UNC79: variants seen among roughly 807,000 people sequenced by gnomAD.
UNC79 encodes protein unc-79 homolog.
In UNC79, 37 loss-of-function variants were observed where a neutral mutation model predicts 283.1. The ratio of observed to expected loss-of-function variants is 0.13; its 90% CI spans 0.10 to 0.17. The LOEUF (loss-of-function observed/expected upper bound fraction) is 0.17. UNC79 is among the 10% of genes least tolerant of loss of function. The probability of loss-of-function intolerance (pLI) is 1.00; values close to 1 mark genes in which losing one functional copy is unlikely to be tolerated. For synonymous variants in UNC79, 1,107 were observed against 1,200.2 expected, an observed-to-expected ratio of 0.92 and a Z score of 1.61; for missense variants, 2,272 against 3,211.1, an observed-to-expected ratio of 0.71 and a Z score of 7.07.
At chr14:93,454,112 C>T (rs1006955420) in intron 1 of UNC79, among the ~76,000 whole-genome samples, 2 of 150,386 alleles carry the variant, frequency 1.3e-5, no homozygotes, top group African/African-American at 2.5e-5. Flanking sequence ...ATGGTGCCAT[C>T]ATGGCTCACA....
At chr14:93,451,315 G>T (rs1475776574) in intron 1 of UNC79, among the ~76,000 whole-genome samples, 1 of 152,092 alleles carries the variant, frequency 6.6e-6, no homozygotes, top group Non-Finnish European at 1.5e-5. Context: ...GGCACCCCTG[G>T]TGTCACTGTC....
chr14:93,337,907 G>C (rs778831916), intron 1 of UNC79, among the ~76,000 whole-genome samples: 3 of 152,094 alleles, frequency 2.0e-5, no homozygotes, highest in Non-Finnish European at 4.4e-5. Context: ...CTTGTGGTAT[G>C]TCTGGTCCAG....
chr14:93,373,330 A>C (rs901310945), intron 1 of UNC79, among the ~76,000 whole-genome samples: 3 of 152,190 alleles, frequency 2.0e-5, no homozygotes, highest in African/African-American at 7.2e-5. Context: ...ACAGGAAATT[A>C]ATAAAGTCAA....
chr14:93,432,864 A>G (rs2055931713), intron 1 of UNC79, among the ~76,000 whole-genome samples: 2 of 152,242 alleles, frequency 1.3e-5, no homozygotes, highest in Admixed American at 1.3e-4. Flanking sequence ...GGCTAAAGCC[A>G]GTGAGTATTA....
At chr14:93,419,043 C>T (rs967548144) in intron 1 of UNC79, among the ~76,000 whole-genome samples, 3 of 151,802 alleles carry the variant, frequency 2.0e-5, no homozygotes, top group African/African-American at 7.2e-5. Flanking sequence ...CCTGTGCCCA[C>T]TGTCTGGCAC....
chr14:93,398,617 C>A (rs1310148655), intron 1 of UNC79, among the ~76,000 whole-genome samples: 2 of 152,064 alleles, frequency 1.3e-5, no homozygotes, highest in Non-Finnish European at 2.9e-5. Context: ...TTCAGGCTAG[C>A]CATTTGTATT....
At chr14:93,622,527 C>T in exon 30 of UNC79, 1 of 1,613,990 alleles carries the variant, frequency 6.2e-7, no homozygotes, top group East Asian at 2.2e-5. Flanking sequence ...GATGATCACC[C>T]TGACCCGGGC....
intron 2 of UNC79, among the ~76,000 whole-genome samples, chr14:93,469,744 G>A (rs111732983): frequency 0.015 from 2,311 of 152,254 alleles, 15 homozygotes; most frequent in Non-Finnish European, 0.023. Flanking sequence ...TTAGCCAGGT[G>A]TGGTGGCATG....
At chr14:93,571,994 C>G in exon 15 of UNC79, 2 of 1,614,204 alleles carry the variant, frequency 1.2e-6, no homozygotes, top group Non-Finnish European at 1.7e-6. Context: ...ATCAATCAAT[C>G]TGTCTGGGAG....
intron 1 of UNC79, among the ~76,000 whole-genome samples, chr14:93,349,550 A>G (rs986949934): frequency 6.6e-6 from 1 of 152,156 alleles, no homozygotes; most frequent in Non-Finnish European, 1.5e-5. Flanking sequence ...TGATTTCCCA[A>G]TAACAAAACT....
intron 1 of UNC79, among the ~76,000 whole-genome samples, chr14:93,422,022 C>T (rs1298699273): frequency 6.6e-6 from 1 of 151,720 alleles, no homozygotes; most frequent in Non-Finnish European, 1.5e-5. Context: ...GTATCTGAGA[C>T]AGGTCTTAAT....
intron 47 of UNC79, among the ~76,000 whole-genome samples, chr14:93,701,543 G>A (rs2075530617): frequency 6.6e-6 from 1 of 151,876 alleles, no homozygotes; most frequent in African/African-American, 2.4e-5. Flanking sequence ...GAAGAGGGGG[G>A]AGAAAAAAAA....
chr14:93,643,188 C>A (rs2069233470), intron 33 of UNC79, among the ~76,000 whole-genome samples: 1 of 152,162 alleles, frequency 6.6e-6, no homozygotes, highest in African/African-American at 2.4e-5. Context: ...AAAAACAAAT[C>A]TAGTTACTGA....
At chr14:93,564,241 T>C (rs1342881252) in intron 14 of UNC79, among the ~76,000 whole-genome samples, 1 of 152,174 alleles carries the variant, frequency 6.6e-6, no homozygotes, top group East Asian at 1.9e-4. Context: ...ATTTAGGATC[T>C]ATGGGGTCAG....
intron 1 of UNC79, among the ~76,000 whole-genome samples, chr14:93,417,131 A>G (rs1259882068): frequency 1.3e-5 from 2 of 152,056 alleles, no homozygotes; most frequent in Non-Finnish European, 2.9e-5. Flanking sequence ...GGTCTTTACA[A>G]TTTGGCATGA....
At chr14:93,445,284 T>C (rs2056430793) in intron 1 of UNC79, among the ~76,000 whole-genome samples, 1 of 152,230 alleles carries the variant, frequency 6.6e-6, no homozygotes, top group Non-Finnish European at 1.5e-5. Context: ...CTTTCCAATC[T>C]GTATGCCTTT....
At chr14:93,701,181 C>T (rs1401280171) in intron 47 of UNC79, among the ~76,000 whole-genome samples, 1 of 152,240 alleles carries the variant, frequency 6.6e-6, no homozygotes, top group African/African-American at 2.4e-5. Context: ...GCTGGAATAC[C>T]TGCAGGACTC....
exon 24 of UNC79, chr14:93,597,504 T>C: frequency 6.2e-7 from 1 of 1,613,660 alleles, no homozygotes; most frequent in Non-Finnish European, 8.5e-7. Context: ...CCAGAGCTGG[T>C]CTCCTGCTTG....
intron 11 of UNC79, among the ~76,000 whole-genome samples, chr14:93,536,432 A>G (rs1340560642): frequency 6.6e-6 from 1 of 152,148 alleles, no homozygotes; most frequent in Non-Finnish European, 1.5e-5. Context: ...CCTTCTCATA[A>G]AAAGTAGCCT....
Sources: allele counts gnomAD v4.1 joint callset (sites outside exome capture counted in the v4.1 genomes callset), GRCh38; gene constraint gnomAD v4.1.1; transcripts MANE v1.5; gene names NCBI Gene and HGNC (gene_info 2026-07-23, HGNC 2026-07-21).